TRPM3: variants seen among roughly 807,000 people sequenced by gnomAD.
TRPM3 encodes the protein long transient receptor potential channel 3.
A neutral mutation model predicts 181.2 loss-of-function variants in TRPM3; 77 were observed. The ratio of observed to expected loss-of-function variants is 0.42; its 90% CI spans 0.35 to 0.51. The LOEUF is 0.51. TRPM3 is among the 20% of genes least tolerant of loss of function. The probability of loss-of-function intolerance (pLI) is 0.01; values close to 1 mark genes in which losing one functional copy is unlikely to be tolerated. For synonymous variants in TRPM3, 745 were observed against 796.4 expected, an observed-to-expected ratio of 0.94 and a Z score of 1.09; for missense variants, 1,759 against 2,196.7, an observed-to-expected ratio of 0.80 and a Z score of 3.98.
chr9:70,697,738 A>G (rs1010271253), intron 8 of TRPM3, among the ~76,000 whole-genome samples: 1 of 152,182 alleles, frequency 6.6e-6, no homozygotes, highest in Non-Finnish European at 1.5e-5. Flanking sequence ...GGAAGTTTCA[A>G]GAAGAGTAAT....
chr9:71,252,847 C>CTCTTTTTTTTTTTTTTTTT lies in TRPM3; in HGVS notation c.183+193805_183+193806insAAAAAAAAAAAAAAAAAGA, dbSNP rs1554854926. ...ACACCTCGCCTGGCTAATTTTGTCT[C>CTCTTTTTTTTTTTTTTTTT]TTTTTTTTTTTTTTTTTTTTTTAGA... On this transcript the variant is annotated intron_variant, in intron 1 of 24. Coordinates refer to the TRPM3 transcript ENST00000357533. Among the ~76,000 whole-genome samples the CTCTTTTTTTTTTTTTTTTT allele has an allele frequency of 9.4e-5, 8 of 84,760 alleles. 1 individual carries two copies. The highest frequency in any genetic ancestry group is 4.2e-4 in the African/African-American group (8 of 19,116). The allele number at this position is 84,760 out of a possible 152,430, so 55.6% of individuals were successfully genotyped here.
intron 7 of TRPM3, among the ~76,000 whole-genome samples, chr9:70,763,277 A>T (rs1028894903): frequency 6.6e-6 from 1 of 152,170 alleles, no homozygotes; most frequent in Non-Finnish European, 1.5e-5. Flanking sequence ...TGGGAAGCTG[A>T]GGCAGGTGGA....
intron 18 of TRPM3, among the ~76,000 whole-genome samples, chr9:70,613,756 G>A (rs1182808537): frequency 6.6e-6 from 1 of 152,016 alleles, no homozygotes; most frequent in East Asian, 1.9e-4. Context: ...ACAACGTCAG[G>A]GTCTATTCTC....
chr9:71,113,927 C>T (rs1291637144), intron 1 of TRPM3, among the ~76,000 whole-genome samples: 1 of 152,134 alleles, frequency 6.6e-6, no homozygotes, highest in Non-Finnish European at 1.5e-5. Flanking sequence ...TTTGCAAGGT[C>T]CACCCAGGGG....
intron 1 of TRPM3, among the ~76,000 whole-genome samples, chr9:71,159,453 A>G (rs2076170214): frequency 6.6e-6 from 1 of 152,166 alleles, no homozygotes; most frequent in African/African-American, 2.4e-5. Flanking sequence ...ATGTCAATAT[A>G]TTGAATCAAA....
chr9:71,405,149 T>C (rs1014266440), intron 1 of TRPM3, among the ~76,000 whole-genome samples: 1 of 152,228 alleles, frequency 6.6e-6, no homozygotes, highest in African/African-American at 2.4e-5. Context: ...CAGTAAATAT[T>C]TGCCAACTGG....
intron 6 of TRPM3, among the ~76,000 whole-genome samples, chr9:70,789,458 G>GA (rs1021609014): frequency 6.6e-6 from 1 of 151,936 alleles, no homozygotes; most frequent in Non-Finnish European, 1.5e-5. Flanking sequence ...CAGTCTGTAG[G>GA]AAAAAAAATT....
At chr9:71,095,432 A>T (rs545078934) in intron 1 of TRPM3, among the ~76,000 whole-genome samples, 22 of 152,216 alleles carry the variant, frequency 1.4e-4, no homozygotes, top group Non-Finnish European at 2.5e-4. Flanking sequence ...TCTTACCACA[A>T]ATCTTAAACA....
intron 1 of TRPM3, among the ~76,000 whole-genome samples, chr9:71,255,144 C>T (rs2082593109): frequency 6.6e-6 from 1 of 152,224 alleles, no homozygotes; most frequent in Admixed American, 6.5e-5. Flanking sequence ...GAACCTACCA[C>T]TGTGACCATC....
intron 1 of TRPM3, among the ~76,000 whole-genome samples, chr9:71,019,249 AGGTCCT>A (rs2097820136): frequency 6.6e-6 from 1 of 151,922 alleles, no homozygotes; most frequent in Non-Finnish European, 1.5e-5. Context: ...TATTTATTGG[AGGTCCT>A]GGTCAGTGCA....
intron 1 of TRPM3, among the ~76,000 whole-genome samples, chr9:70,970,000 G>A (rs965555792): frequency 6.6e-6 from 1 of 151,888 alleles, no homozygotes; most frequent in Non-Finnish European, 1.5e-5. Context: ...GACAAAAGCA[G>A]GGTATCAATT....
chr9:71,305,091 CCAAA>C (rs1195571965), intron 1 of TRPM3, among the ~76,000 whole-genome samples: 1 of 152,062 alleles, frequency 6.6e-6, no homozygotes, highest in African/African-American at 2.4e-5. Flanking sequence ...AAGAATTTTC[CCAAA>C]CATACACAGC....
chr9:70,556,722 A>C (rs4448344), intron 22 of TRPM3, among the ~76,000 whole-genome samples: 35,313 of 151,950 alleles, frequency 0.23, 4,760 homozygotes, highest in Admixed American at 0.31. Context: ...ACCCTGTCTC[A>C]AAAACAAAAA....
chr9:71,182,914 G>A (rs551846930), intron 1 of TRPM3, among the ~76,000 whole-genome samples: 182 of 152,024 alleles, frequency 1.2e-3, no homozygotes, highest in African/African-American at 4.0e-3. Context: ...CACCTGCCTC[G>A]GCCTCCCAAA....
chr9:71,180,733 A>G (rs1354558698), intron 1 of TRPM3, among the ~76,000 whole-genome samples: 3 of 152,172 alleles, frequency 2.0e-5, no homozygotes, highest in Admixed American at 1.3e-4. Flanking sequence ...CTTGTATCAT[A>G]TAAGATTTCT....
intron 1 of TRPM3, among the ~76,000 whole-genome samples, chr9:71,075,102 CTTGTT>C (rs772768073): frequency 2.0e-4 from 31 of 152,100 alleles, no homozygotes; most frequent in Middle Eastern, 3.4e-3. Flanking sequence ...CTACATTGCA[CTTGTT>C]TTGTTTTCTG....
intron 1 of TRPM3, among the ~76,000 whole-genome samples, chr9:71,414,051 C>T (rs1006355498): frequency 6.6e-6 from 1 of 152,046 alleles, no homozygotes; most frequent in Non-Finnish European, 1.5e-5. Flanking sequence ...AACCTTTTAA[C>T]TGCTATGTAA....
intron 1 of TRPM3, among the ~76,000 whole-genome samples, chr9:71,091,919 T>C (rs868256657): frequency 6.6e-6 from 1 of 152,180 alleles, no homozygotes; most frequent in Non-Finnish European, 1.5e-5. Context: ...TAAAATATCA[T>C]AATAGTCTTG....
intron 1 of TRPM3, among the ~76,000 whole-genome samples, chr9:71,146,472 C>T (rs1404794903): frequency 6.6e-6 from 1 of 152,132 alleles, no homozygotes; most frequent in Non-Finnish European, 1.5e-5. Context: ...TTTTCTGCTA[C>T]AATTGTCCTA....
Sources: gnomAD v4.1 joint callset for allele counts (sites outside exome capture counted in the v4.1 genomes callset) on GRCh38, gnomAD v4.1.1 for gene constraint, MANE v1.5 for transcripts, NCBI Gene and HGNC (gene_info 2026-07-23, HGNC 2026-07-21) for gene names.